Variants in PDE7A observed in about 807,000 individuals in gnomAD.
PDE7A encodes high affinity 3',5'-cyclic-AMP phosphodiesterase 7A.
Under a neutral mutation model 64.3 loss-of-function variants are expected in PDE7A, and 39 were observed. That is an observed-to-expected ratio of 0.61 (90% CI 0.47 to 0.79). The LOEUF (loss-of-function observed/expected upper bound fraction) is 0.79, where lower values mean the gene tolerates loss of function less well. PDE7A is among the 30% of genes least tolerant of loss of function. The pLI is 0.00. For missense variants in PDE7A, 470 were observed against 582.8 expected (o/e 0.81, Z 1.99); for synonymous variants, 203 against 206.8 (o/e 0.98, Z 0.16).
Position 65,719,228 on chromosome 8 carries a change from A to G in PDE7A, c.*62T>C. Reference sequence around the variant, plus strand: ...GTCAAGAGTTAAGTTCTCTCACCTCAAGACCCCATTTCACATTTCTAAAAA... The same window carrying G: ...GTCAAGAGTTAAGTTCTCTCACCTCGAGACCCCATTTCACATTTCTAAAAA... On this transcript the variant is annotated 3_prime_UTR_variant, in exon 13 of 13. Coordinates refer to ENST00000401827, the MANE Select transcript of PDE7A (RefSeq NM_001242318.3). 2 of 1,129,078 alleles carry G rather than the reference A, an allele frequency of 1.8e-6. No individual in the cohort carries two copies. Among genetic ancestry groups the G allele is most frequent in the South Asian group, 2.5e-5 (2 of 80,384 alleles). 69.9% of individuals were successfully genotyped at this position (1,129,078 alleles called of 1,614,324 possible).
At chr8:65,808,673 C>A (rs960515537) in intron 1 of PDE7A, among the ~76,000 whole-genome samples, 1 of 151,952 alleles carries the variant, frequency 6.6e-6, no homozygotes, top group Non-Finnish European at 1.5e-5. Context: ...TATTAACTTA[C>A]TAAGAGTAAT....
At chr8:65,792,327 C>G (rs935690256) in intron 1 of PDE7A, among the ~76,000 whole-genome samples, 24 of 152,150 alleles carry the variant, frequency 1.6e-4, no homozygotes, top group African/African-American at 5.8e-4. Context: ...ATCAGAAAAG[C>G]TGAGTTAAAA....
chr8:65,805,444 T>C (rs1281804741), intron 1 of PDE7A, among the ~76,000 whole-genome samples: 1 of 152,180 alleles, frequency 6.6e-6, no homozygotes, highest in Non-Finnish European at 1.5e-5. Flanking sequence ...AAATAAAATA[T>C]GGTGCTGTAG....
chr8:65,809,891 T>C (rs1347978721), intron 1 of PDE7A, among the ~76,000 whole-genome samples: 6 of 152,216 alleles, frequency 3.9e-5, no homozygotes, highest in Non-Finnish European at 5.9e-5. Context: ...ACTTTTACAC[T>C]GTTGGTGGGA....
At chr8:65,778,070 G>A (rs1244279859) in intron 3 of PDE7A, among the ~76,000 whole-genome samples, 1 of 152,186 alleles carries the variant, frequency 6.6e-6, no homozygotes, top group Non-Finnish European at 1.5e-5. Context: ...ACAGATGGGA[G>A]ATTAAAAAGG....
rs73690901 is a variant in PDE7A, at chr8:65,752,083, T to C, written c.284-4280A>G. Reference sequence around the variant, plus strand: ...TTGTTAAATATGCTTATATTTCTACTACTTGATTTGTCAGCTTGAGATATC... The same window carrying C: ...TTGTTAAATATGCTTATATTTCTACCACTTGATTTGTCAGCTTGAGATATC... On this transcript the variant is annotated intron_variant, in intron 3 of 12. Coordinates refer to ENST00000401827, the MANE Select transcript of PDE7A (RefSeq NM_001242318.3). Among the ~76,000 whole-genome samples the C allele has an allele frequency of 7.5e-3, 1,139 of 152,362 alleles. 7 individuals carry two copies. The highest frequency in any genetic ancestry group is 0.025 in the African/African-American group (1,029 of 41,584).
intron 1 of PDE7A, among the ~76,000 whole-genome samples, chr8:65,787,325 G>A (rs1809585111): frequency 6.6e-6 from 1 of 152,140 alleles, no homozygotes; most frequent in Non-Finnish European, 1.5e-5. Flanking sequence ...TTCATAAACT[G>A]ATGGTTAAAG....
intron 3 of PDE7A, among the ~76,000 whole-genome samples, chr8:65,778,110 G>C (rs1433936569): frequency 1.3e-5 from 2 of 152,168 alleles, no homozygotes; most frequent in African/African-American, 4.8e-5. Context: ...TGACAACCAG[G>C]GTTGGGAGAG....
At chr8:65,828,851 C>A (rs1253701367) in intron 1 of PDE7A, among the ~76,000 whole-genome samples, 5 of 152,062 alleles carry the variant, frequency 3.3e-5, no homozygotes, top group Admixed American at 2.0e-4. Context: ...ATAAGCTATA[C>A]ATGTTTTGCT....
At chr8:65,761,680 A>T (rs1808500539) in intron 3 of PDE7A, among the ~76,000 whole-genome samples, 1 of 152,208 alleles carries the variant, frequency 6.6e-6, no homozygotes, top group Non-Finnish European at 1.5e-5. Context: ...AACCTAAATG[A>T]ACACTGTGAC....
intron 1 of PDE7A, among the ~76,000 whole-genome samples, chr8:65,828,783 T>C (rs554361267): frequency 2.5e-4 from 38 of 152,254 alleles, no homozygotes; most frequent in African/African-American, 8.7e-4. Flanking sequence ...GAAAGTACTC[T>C]TCTGCCAAAA....
chr8:65,840,704 A>C, intron 1 of PDE7A, among the ~76,000 whole-genome samples: 1 of 151,352 alleles, frequency 6.6e-6, no homozygotes, highest in Non-Finnish European at 1.5e-5. Context: ...CTGGTATTGG[A>C]CCACTCAAAG....
chr8:65,766,358 A>G (rs2128917669), intron 3 of PDE7A, among the ~76,000 whole-genome samples: 1 of 152,384 alleles, frequency 6.6e-6, no homozygotes, highest in East Asian at 1.9e-4. Context: ...TGAACAGAGG[A>G]AAATCTCTGT....
rs145257536 is a variant in PDE7A at position 65,789,264 on chromosome 8, G to C, written c.139-6421C>G. On this transcript the variant is annotated intron_variant, in intron 1 of 12. Coordinates refer to ENST00000401827, the MANE Select transcript of PDE7A (RefSeq NM_001242318.3). ...GTCTAACAAAATGTAGGCAAAGGAG[G>C]CCTCAGGCCAGCCCCAAACACTTCT... Among the ~76,000 whole-genome samples the C allele has an allele frequency of 8.5e-5, 13 of 152,300 alleles. No individual in the cohort carries two copies. The East Asian group carries it at 2.5e-3, about 29-fold the overall frequency.
At chr8:65,821,865 AT>A (rs1335046070) in intron 1 of PDE7A, among the ~76,000 whole-genome samples, 1 of 152,168 alleles carries the variant, frequency 6.6e-6, no homozygotes, top group Non-Finnish European at 1.5e-5. Context: ...CGTCTGTTTC[AT>A]TTTACTTTTT....
At chr8:65,796,030 T>C (rs1050364114) in intron 1 of PDE7A, among the ~76,000 whole-genome samples, 4 of 150,690 alleles carry the variant, frequency 2.7e-5, no homozygotes, top group African/African-American at 9.8e-5. Context: ...TTGGGCTTAA[T>C]AGCAAACAAA....
At chr8:65,797,998 T>C (rs895560136) in intron 1 of PDE7A, among the ~76,000 whole-genome samples, 1 of 149,988 alleles carries the variant, frequency 6.7e-6, no homozygotes, top group East Asian at 1.9e-4. Context: ...AAAAAAAATG[T>C]GTTAATTGGA....
At chr8:65,765,961 T>C (rs938889590) in intron 3 of PDE7A, among the ~76,000 whole-genome samples, 1 of 152,232 alleles carries the variant, frequency 6.6e-6, no homozygotes, top group African/African-American at 2.4e-5. Flanking sequence ...TTATTTATTT[T>C]TTGAGATGGA....
chr8:65,743,434 G>A (rs1807529500), intron 5 of PDE7A, among the ~76,000 whole-genome samples: 1 of 152,284 alleles, frequency 6.6e-6, no homozygotes, highest in South Asian at 2.1e-4. Context: ...GAGAGATAGC[G>A]AAGGGGAGGA....
Sources: allele counts gnomAD v4.1 joint callset (sites outside exome capture counted in the v4.1 genomes callset), GRCh38; gene constraint gnomAD v4.1.1; transcripts MANE v1.5; gene names NCBI Gene and HGNC (gene_info 2026-07-23, HGNC 2026-07-21).